The following IL1RAPL2 variants were observed in gnomAD, a reference collection of about 807,000 sequenced individuals.
IL1RAPL2 encodes the protein X-linked interleukin-1 receptor accessory protein-like 2.
In IL1RAPL2, 3 loss-of-function variants were observed where a neutral mutation model predicts 44.1. The ratio of observed to expected loss-of-function variants is 0.07; its 90% CI spans 0.03 to 0.18. The LOEUF (loss-of-function observed/expected upper bound fraction) is 0.18. IL1RAPL2 is among the 10% of genes least tolerant of loss of function. IL1RAPL2 has a pLI of 1.00. For missense variants in IL1RAPL2, 391 were observed against 496.4 expected (o/e 0.79, Z 2.02); for synonymous variants, 181 against 178.8 (o/e 1.01, Z -0.10).
At chrX:104,863,992 A>G (rs772123806) in intron 2 of IL1RAPL2, among the ~76,000 whole-genome samples, 39 of 112,088 alleles carry the variant, frequency 3.5e-4, no homozygotes, top group Non-Finnish European at 6.6e-4. Flanking sequence ...CATGAATAGT[A>G]TAAGACTTCC....
chrX:105,572,699 T>C (rs1326592480), intron 6 of IL1RAPL2, among the ~76,000 whole-genome samples: 1 of 111,644 alleles, frequency 9.0e-6, no homozygotes, highest in Non-Finnish European at 1.9e-5. Context: ...GTTATGCACA[T>C]TCATCTAGTT....
At chrX:104,839,734 G>A (rs765796111) in intron 2 of IL1RAPL2, among the ~76,000 whole-genome samples, 3 of 111,266 alleles carry the variant, frequency 2.7e-5, no homozygotes, top group African/African-American at 6.5e-5. Flanking sequence ...TTTTTGTTTC[G>A]TAGGCTACTA....
intron 6 of IL1RAPL2, among the ~76,000 whole-genome samples, chrX:105,612,381 C>T (rs1401398367): frequency 9.0e-6 from 1 of 111,713 alleles, no homozygotes; most frequent in Non-Finnish European, 1.9e-5. Context: ...GCTGGGATTA[C>T]AGGTGCAAGC....
intron 6 of IL1RAPL2, among the ~76,000 whole-genome samples, chrX:105,622,483 G>T (rs1488585892): frequency 9.1e-6 from 1 of 110,061 alleles, no homozygotes; most frequent in East Asian, 2.9e-4. Context: ...GTTATAAATG[G>T]TATGTGTTGT....
At chrX:105,430,465 G>A in intron 5 of IL1RAPL2, among the ~76,000 whole-genome samples, 1 of 111,279 alleles carries the variant, frequency 9.0e-6, no homozygotes, top group Non-Finnish European at 1.9e-5. Context: ...TCTATTTGGA[G>A]GCACATAGTA....
At chrX:105,573,823 G>C (rs1394335290) in intron 6 of IL1RAPL2, among the ~76,000 whole-genome samples, 1 of 111,706 alleles carries the variant, frequency 9.0e-6, no homozygotes, top group Non-Finnish European at 1.9e-5. Context: ...TATGAGGCAA[G>C]GATATAGACT....
chrX:104,762,714 C>A (rs978671116), intron 2 of IL1RAPL2, among the ~76,000 whole-genome samples: 2 of 112,503 alleles, frequency 1.8e-5, no homozygotes, highest in African/African-American at 6.5e-5. Flanking sequence ...GCCAGAGGTT[C>A]CCAAACCCTT....
intron 2 of IL1RAPL2, among the ~76,000 whole-genome samples, chrX:105,093,114 T>C (rs2032563970): frequency 1.8e-5 from 2 of 109,769 alleles, no homozygotes; most frequent in African/African-American, 6.6e-5. Flanking sequence ...TAGGGTATGC[T>C]TCCACTCTAC....
chrX:105,038,321 G>A (rs761753190), intron 2 of IL1RAPL2, among the ~76,000 whole-genome samples: 1 of 111,725 alleles, frequency 9.0e-6, no homozygotes, highest in Admixed American at 9.5e-5. Context: ...ATGTCTTCTT[G>A]TACCACCATT....
At chrX:105,275,251 A>G (rs749276943) in intron 5 of IL1RAPL2, among the ~76,000 whole-genome samples, 7 of 110,247 alleles carry the variant, frequency 6.3e-5, no homozygotes, top group Non-Finnish European at 1.3e-4. Context: ...TATTTTTAGG[A>G]CATTTCCTAA....
intron 2 of IL1RAPL2, among the ~76,000 whole-genome samples, chrX:105,128,952 A>G (rs1163065059): frequency 1.8e-5 from 2 of 111,595 alleles, no homozygotes; most frequent in Non-Finnish European, 3.8e-5. Flanking sequence ...GAAGAATCTC[A>G]GAGCCTTAAT....
chrX:105,584,393 A>T (rs1222311778), intron 6 of IL1RAPL2, among the ~76,000 whole-genome samples: 1 of 111,470 alleles, frequency 9.0e-6, no homozygotes, highest in African/African-American at 3.3e-5. Context: ...TCTGAAATCT[A>T]TTTTGTGTGA....
intron 5 of IL1RAPL2, among the ~76,000 whole-genome samples, chrX:105,296,379 T>C (rs2034654980): frequency 8.9e-6 from 1 of 112,086 alleles, no homozygotes; most frequent in African/African-American, 3.2e-5. Flanking sequence ...CTTTTTGTCA[T>C]TCATGTGAGA....
chrX:104,931,947 A>AGTGT (rs34524314), intron 2 of IL1RAPL2, among the ~76,000 whole-genome samples: 30,372 of 88,809 alleles, frequency 0.34, 4,427 homozygotes, highest in Non-Finnish European at 0.4. Flanking sequence ...GGAAACTATG[A>AGTGT]GTGTGTGTGT....
chrX:105,299,485 A>C (rs2034679574), intron 5 of IL1RAPL2, among the ~76,000 whole-genome samples: 1 of 111,584 alleles, frequency 9.0e-6, no homozygotes, highest in African/African-American at 3.3e-5. Flanking sequence ...GGGTGAAGCC[A>C]TGGGACAGCA....
chrX:104,622,479 G>T (rs1321424254), intron 1 of IL1RAPL2, among the ~76,000 whole-genome samples: 2 of 108,629 alleles, frequency 1.8e-5, no homozygotes, highest in Non-Finnish European at 3.8e-5. Context: ...GCACTGTTTT[G>T]TTCATTTATG....
rs770373604 is a variant in IL1RAPL2, at chrX:105,325,802, G to A, written c.697+58261G>A. 3.7e-5 allele frequency among the ~76,000 whole-genome samples: 4 copies of A among 109,510 alleles called. No individual in the cohort carries two copies. The East Asian group carries it at 1.2e-3, about 31-fold the overall frequency. On this transcript the variant is annotated intron_variant, in intron 5 of 10. Coordinates refer to ENST00000372582, the MANE Select transcript of IL1RAPL2 (RefSeq NM_017416.2). ...TGGAGAGGTATCTCATTGTGCTTTTGATTTGCATTTCCCTGATGACTAAAT... is the reference window on the plus strand; with the variant it reads ...TGGAGAGGTATCTCATTGTGCTTTTAATTTGCATTTCCCTGATGACTAAAT...
intron 2 of IL1RAPL2, among the ~76,000 whole-genome samples, chrX:105,104,885 G>A (rs2032718980): frequency 8.9e-6 from 1 of 111,913 alleles, no homozygotes; most frequent in African/African-American, 3.2e-5. Flanking sequence ...TCAAGGCAAG[G>A]ATAGACCCTG....
intron 5 of IL1RAPL2, among the ~76,000 whole-genome samples, chrX:105,289,456 A>G (rs776087559): frequency 8.9e-6 from 1 of 111,817 alleles, no homozygotes; most frequent in African/African-American, 3.2e-5. Context: ...GGCTATTGCT[A>G]TAGTCCAGAG....
Sources: allele counts gnomAD v4.1 joint callset (sites outside exome capture counted in the v4.1 genomes callset), GRCh38; gene constraint gnomAD v4.1.1; transcripts MANE v1.5; gene names NCBI Gene and HGNC (gene_info 2026-07-23, HGNC 2026-07-21).